EZR: variants seen among roughly 807,000 people sequenced by gnomAD.
EZR encodes the protein cytovillin 2.
EZR carries 40 observed loss-of-function variants against 74.8 expected under a neutral mutation model. That is an observed-to-expected ratio of 0.53 (90% CI 0.42 to 0.70). The LOEUF (loss-of-function observed/expected upper bound fraction) is 0.70, where lower values mean the gene tolerates loss of function less well. EZR is among the 30% of genes least tolerant of loss of function. The probability of loss-of-function intolerance (pLI) is 0.00; values close to 1 mark genes in which losing one functional copy is unlikely to be tolerated. For synonymous variants in EZR, 341 were observed against 283.3 expected (o/e 1.20, Z -2.05); for missense variants, 678 against 755.8 (o/e 0.90, Z 1.21).
At chr6:158,768,312 TC>T (rs1273881316) in intron 12 of EZR, among the ~76,000 whole-genome samples, 1 of 151,974 alleles carries the variant, frequency 6.6e-6, no homozygotes, top group Non-Finnish European at 1.5e-5. Context: ...TCCTGAGGCC[TC>T]CCCCAGCCAT....
At chr6:158,769,240 C>T in intron 12 of EZR, 86 bp downstream of exon 12, 6 of 1,171,146 alleles carry the variant, frequency 5.1e-6, no homozygotes, top group Non-Finnish European at 7.4e-6. Context: ...TCTCCCCCAA[C>T]CCACCCACCT....
chr6:158,784,903 A>G (rs1791529921), intron 5 of EZR, among the ~76,000 whole-genome samples, 176 bp from the exon 6 acceptor site: 1 of 152,232 alleles, frequency 6.6e-6, no homozygotes, highest in Admixed American at 6.5e-5. Flanking sequence ...GTTAATCTGG[A>G]AGACTTAGCA....
intron 2 of EZR, among the ~76,000 whole-genome samples, chr6:158,794,315 G>GCACCAGCACCAC (rs1468125843): frequency 6.6e-6 from 1 of 152,028 alleles, no homozygotes; most frequent in Non-Finnish European, 1.5e-5. Context: ...ACCAGCACCA[G>GCACCAGCACCAC]CACCAGCACC....
intron 8 of EZR, among the ~76,000 whole-genome samples, chr6:158,775,734 T>C (rs547861937): frequency 6.6e-6 from 1 of 152,276 alleles, no homozygotes; most frequent in African/African-American, 2.4e-5. Context: ...GCTACAGTTA[T>C]GTGCGTATGT....
intron 2 of EZR, among the ~76,000 whole-genome samples, chr6:158,796,953 G>C (rs1299024336): frequency 6.6e-6 from 1 of 152,128 alleles, no homozygotes; most frequent in Non-Finnish European, 1.5e-5. Flanking sequence ...GAATGAAAAA[G>C]GTACCAAGTT....
chr6:158,783,363 G>A, intron 7 of EZR, among the ~76,000 whole-genome samples, 157 bp downstream of exon 7: 1 of 81,124 alleles, frequency 1.2e-5, no homozygotes. Flanking sequence ...CCTTTGAGAG[G>A]GCCACAGCAG....
intron 7 of EZR, among the ~76,000 whole-genome samples, chr6:158,781,495 G>C (rs914831270): frequency 2.6e-5 from 4 of 152,308 alleles, no homozygotes; most frequent in Admixed American, 6.5e-5. Flanking sequence ...CACTTACGTG[G>C]GCTGGGGCAG....
rs182062155 is a variant in EZR, at chr6:158,816,681, C to T, written c.12+1401G>A. Among the ~76,000 whole-genome samples, 534 of 152,156 alleles carry T rather than the reference C, an allele frequency of 3.5e-3. 1 individual carries two copies. Among genetic ancestry groups the T allele is most frequent in the South Asian group, 4.3e-3 (21 of 4,828 alleles). On this transcript the variant is annotated intron_variant, in intron 2 of 13. Transcript: ENST00000367075. ...TCACAAATGAATCATCTTGATGTAA[C>T]TTAGGCAAAAATTATATTGGCTTCT...
At chr6:158,800,059 C>G (rs1487263656) in intron 2 of EZR, among the ~76,000 whole-genome samples, 1 of 152,164 alleles carries the variant, frequency 6.6e-6, no homozygotes, top group Non-Finnish European at 1.5e-5. Flanking sequence ...CCAAGTTTTA[C>G]TCCAGAAGGG....
In EZR at chr6:158,802,480, G is replaced by C. The variant is rs185882953; in HGVS notation, c.13-13109C>G. Among the ~76,000 whole-genome samples the C allele has an allele frequency of 1.7e-4, 26 of 152,254 alleles. No homozygotes were observed. The East Asian group carries it at 1.7e-3, about 10-fold the overall frequency. On this transcript the variant is annotated intron_variant, in intron 2 of 13. Transcript: ENST00000367075. ...AACACCTTATAGTTTAGTTCTTCTG[G>C]AATATTTGTATACTTCTACTTGACT...
At chr6:158,770,408 A>G (rs1308152508) in intron 10 of EZR, among the ~76,000 whole-genome samples, 1 of 152,138 alleles carries the variant, frequency 6.6e-6, no homozygotes, top group Non-Finnish European at 1.5e-5. Context: ...GTTTTAGTCT[A>G]GAGGTCGAGG....
intron 7 of EZR, among the ~76,000 whole-genome samples, chr6:158,776,954 T>G (rs1264581916): frequency 4.6e-5 from 7 of 152,058 alleles, no homozygotes; most frequent in Admixed American, 1.3e-4. Flanking sequence ...ATTAATTTCC[T>G]CTCCTCCCAT....
rs2128564099 is a variant in EZR at position 158,769,315 on chromosome 6, T to C, written c.1344+11A>G. ...TGTGGCCGTGCGGAGGTGTCCCCCG[T>C]GCAGACTCACCCTGTGCTGCCACTC... On this transcript the variant is annotated intron_variant, in intron 12 of 13. Coordinates refer to ENST00000367075, the MANE Select transcript of EZR (RefSeq NM_001111077.2). 1 of 1,607,738 alleles carries C rather than the reference T, an allele frequency of 6.2e-7. No homozygotes were observed.
intron 10 of EZR, 141 bp from the exon 11 acceptor site, chr6:158,770,085 A>ATCT: frequency 8.9e-7 from 1 of 1,126,452 alleles, no homozygotes; most frequent in Admixed American, 2.6e-5. Flanking sequence ...ACCCTGGAGG[A>ATCT]AAGCACTTCA....
intron 1 of EZR, chr6:158,818,371 C>A (rs981508754): frequency 5.1e-6 from 1 of 194,564 alleles, no homozygotes; most frequent in Admixed American, 6.1e-5. Flanking sequence ...GAGGAGGCGC[C>A]CGAGAGCGGG....
intron 2 of EZR, among the ~76,000 whole-genome samples, chr6:158,803,630 TACATAC>T (rs1777263301): frequency 1.4e-4 from 4 of 27,756 alleles, no homozygotes; most frequent in Admixed American, 7.5e-4. Context: ...TATATACATA[TACATAC>T]ATATATATAT....
intron 2 of EZR, among the ~76,000 whole-genome samples, chr6:158,816,528 C>T (rs574983523): frequency 6.6e-6 from 1 of 152,340 alleles, no homozygotes; most frequent in East Asian, 1.9e-4. Context: ...CCGTTGCACT[C>T]AGCTCTGCCT....
intron 2 of EZR, chr6:158,817,875 G>C: frequency 2.2e-6 from 1 of 451,934 alleles, no homozygotes; most frequent in Admixed American, 3.6e-5. Context: ...AGACTGCAGA[G>C]AAAAGCATCA....
At chr6:158,790,384 A>G (rs747967092) in intron 2 of EZR, among the ~76,000 whole-genome samples, 1 of 152,258 alleles carries the variant, frequency 6.6e-6, no homozygotes, top group Non-Finnish European at 1.5e-5. Flanking sequence ...TTAAAAAAAC[A>G]AAACACTGTC....
Sources: allele counts gnomAD v4.1 joint callset (sites outside exome capture counted in the v4.1 genomes callset), GRCh38; gene constraint gnomAD v4.1.1; transcripts MANE v1.5; gene names NCBI Gene and HGNC (gene_info 2026-07-23, HGNC 2026-07-21).